Variants in CCDC171 observed in about 807,000 individuals in gnomAD.
CCDC171 encodes the protein coiled-coil domain containing 171.
In CCDC171, 177 loss-of-function variants were observed where a neutral mutation model predicts 168.2. The ratio of observed to expected loss-of-function variants is 1.05; its 90% CI spans 0.93 to 1.19. The LOEUF is 1.19. CCDC171 is among the 50% of genes most tolerant of loss of function. The probability of loss-of-function intolerance (pLI) is 0.00; values close to 1 mark genes in which losing one functional copy is unlikely to be tolerated. For missense variants in CCDC171, 1,991 were observed against 1,539.0 expected (o/e 1.29, Z -4.91); for synonymous variants, 687 against 540.8 (o/e 1.27, Z -3.75).
chr9:16,025,652 C>G (rs1275923851), intron 6 of CCDC171, among the ~76,000 whole-genome samples: 1 of 152,056 alleles, frequency 6.6e-6, no homozygotes. Context: ...CATAGATGAA[C>G]CTTGGAAACA....
At chr9:15,720,333 G>T (rs1435719222) in intron 11 of CCDC171, among the ~76,000 whole-genome samples, 5 of 152,066 alleles carry the variant, frequency 3.3e-5, no homozygotes, top group Non-Finnish European at 4.4e-5. Flanking sequence ...ATGGATAAAT[G>T]ATGTCATATA....
chr9:15,903,905 C>G (rs1057441924), intron 24 of CCDC171, among the ~76,000 whole-genome samples: 15 of 152,018 alleles, frequency 9.9e-5, no homozygotes, highest in African/African-American at 3.6e-4. Flanking sequence ...CCGATTTGAT[C>G]AACTGGAAGA....
intron 6 of CCDC171, among the ~76,000 whole-genome samples, chr9:15,607,610 T>C (rs566746688): frequency 1.3e-5 from 2 of 152,030 alleles, no homozygotes; most frequent in African/African-American, 2.4e-5. Context: ...CACAGGCACG[T>C]GTCACCACAC....
intron 21 of CCDC171, among the ~76,000 whole-genome samples, chr9:15,801,557 GC>G (rs1440383863): frequency 1.3e-5 from 2 of 151,968 alleles, no homozygotes; most frequent in African/African-American, 4.8e-5. Context: ...CATATCATCT[GC>G]AAACAAAGAT....
At chr9:15,760,121 T>C (rs1400237043) in intron 18 of CCDC171, among the ~76,000 whole-genome samples, 1 of 152,190 alleles carries the variant, frequency 6.6e-6, no homozygotes, top group African/African-American at 2.4e-5. Flanking sequence ...TTTGTACTTC[T>C]TGTTTTTTGT....
rs33945014 is a variant in CCDC171, at chr9:15,688,118, CAAAAAAAAA to C, written c.1216-7104_1216-7096del. On this transcript the variant is annotated intron_variant, in intron 10 of 25. Transcript: ENST00000380701. Reference sequence around the variant, plus strand: ...TGGGCAACAGAGCAAGACTCCATCTCAAAAAAAAAAAAAAAAAAAAAGAAAGAAAGAAAT... The same window carrying C: ...TGGGCAACAGAGCAAGACTCCATCTCAAAAAAAAAAAAGAAAGAAAGAAAT... Among the ~76,000 whole-genome samples, 253 of 94,918 alleles carry C rather than the reference CAAAAAAAAA, an allele frequency of 2.7e-3. 2 individuals are homozygous for C. The East Asian group carries it at 0.054, about 20-fold the overall frequency. The allele number at this position is 94,918 out of a possible 152,430, so 62.3% of individuals were successfully genotyped here.
chr9:16,070,054 T>C, the CCDC171 span, among the ~76,000 whole-genome samples: 2 of 152,026 alleles, frequency 1.3e-5, no homozygotes. Context: ...TGTGCTCTCA[T>C]GAAAAGGGGA....
At chr9:15,567,126 A>T (rs902220011) in intron 2 of CCDC171, among the ~76,000 whole-genome samples, 1 of 146,730 alleles carries the variant, frequency 6.8e-6, no homozygotes, top group African/African-American at 2.5e-5. Flanking sequence ...GGTTCAGGTG[A>T]TTCTCCTGCC....
In CCDC171 at chr9:15,910,917, G is replaced by T. The variant is rs577693530; in HGVS notation, c.3601-9353G>T. On this transcript the variant is annotated intron_variant, in intron 24 of 25. Transcript: ENST00000380701. ...CTGCATAGTATTCCATGGTGTATAT[G>T]TGCCACATTTTCTTTATCCAGTCTT... Among the ~76,000 whole-genome samples, 4 of 152,238 alleles carry T rather than the reference G, an allele frequency of 2.6e-5. No homozygotes were observed. In the East Asian group the frequency reaches 5.8e-4, roughly 22 times the overall value.
chr9:15,630,995 C>T (rs1249897016), intron 7 of CCDC171, among the ~76,000 whole-genome samples: 1 of 151,810 alleles, frequency 6.6e-6, no homozygotes, highest in Non-Finnish European at 1.5e-5. Flanking sequence ...CACAACATAC[C>T]AGAATCTCTG....
intron 21 of CCDC171, among the ~76,000 whole-genome samples, chr9:15,822,173 A>G (rs1410129397): frequency 6.6e-6 from 1 of 152,224 alleles, no homozygotes; most frequent in East Asian, 1.9e-4. Context: ...ACCTTATACA[A>G]AAATTAATTC....
At chr9:15,865,694 A>G (rs1282775782) in intron 23 of CCDC171, among the ~76,000 whole-genome samples, 1 of 151,994 alleles carries the variant, frequency 6.6e-6, no homozygotes, top group Non-Finnish European at 1.5e-5. Context: ...AACACAAAAT[A>G]TGTGTTAATC....
chr9:15,653,129 A>G (rs2047655248), intron 7 of CCDC171, among the ~76,000 whole-genome samples: 1 of 152,034 alleles, frequency 6.6e-6, no homozygotes, highest in Admixed American at 6.6e-5. Context: ...TGTTGTTGTC[A>G]TTGTGAAAAT....
intron 21 of CCDC171, among the ~76,000 whole-genome samples, chr9:15,840,919 T>C (rs1370071324): frequency 2.0e-5 from 3 of 152,166 alleles, no homozygotes; most frequent in Non-Finnish European, 4.4e-5. Flanking sequence ...AATACTCTTA[T>C]GAAGTTCCTT....
At chr9:15,764,979 G>A (rs1337646988) in intron 18 of CCDC171, among the ~76,000 whole-genome samples, 2 of 152,176 alleles carry the variant, frequency 1.3e-5, no homozygotes, top group Non-Finnish European at 2.9e-5. Flanking sequence ...AAAGGATTCT[G>A]AAGAATAGCC....
At chr9:15,954,713 G>T in intron 25 of CCDC171, among the ~76,000 whole-genome samples, 1 of 150,974 alleles carries the variant, frequency 6.6e-6, no homozygotes. Context: ...TCACTGTAGT[G>T]AATTTTTCAT....
At chr9:16,076,679 T>C in the CCDC171 span, among the ~76,000 whole-genome samples, 1 of 152,210 alleles carries the variant, frequency 6.6e-6, no homozygotes, top group Non-Finnish European at 1.5e-5. Flanking sequence ...CTTCTGCCTT[T>C]GTCCGTGACT....
intron 7 of CCDC171, among the ~76,000 whole-genome samples, chr9:15,633,388 T>C (rs201239970): frequency 9.2e-5 from 14 of 152,068 alleles, no homozygotes; most frequent in African/African-American, 2.9e-4. Context: ...TTCTGAAAAG[T>C]AGACATTTAT....
At chr9:15,999,566 G>A (rs1832479620) in intron 3 of CCDC171, among the ~76,000 whole-genome samples, 1 of 152,160 alleles carries the variant, frequency 6.6e-6, no homozygotes, top group Non-Finnish European at 1.5e-5. Context: ...GCCATCCCTA[G>A]GTCTTCCAAT....
Sources: gnomAD v4.1 joint callset for allele counts (sites outside exome capture counted in the v4.1 genomes callset) on GRCh38, gnomAD v4.1.1 for gene constraint, MANE v1.5 for transcripts, NCBI Gene and HGNC (gene_info 2026-07-23, HGNC 2026-07-21) for gene names.